Variants in DPH6 observed in about 807,000 individuals in gnomAD.
The protein encoded by DPH6 is diphthine--ammonia ligase.
Under a neutral mutation model 38.2 loss-of-function variants are expected in DPH6, and 33 were observed. That is an observed-to-expected ratio of 0.86 (90% CI 0.65 to 1.15). The LOEUF is 1.15. Ranked by LOEUF, DPH6 falls within the 50% of genes most tolerant of loss-of-function variation. DPH6 has a pLI of 0.00. For synonymous variants in DPH6, 108 were observed against 103.0 expected (o/e 1.05, Z -0.30); for missense variants, 325 against 320.0 (o/e 1.02, Z -0.12).
At chr15:35,484,138 G>A (rs1230236131) in intron 3 of DPH6, among the ~76,000 whole-genome samples, 2 of 152,166 alleles carry the variant, frequency 1.3e-5, no homozygotes, top group Non-Finnish European at 2.9e-5. Flanking sequence ...GTGAATTTTA[G>A]AGCATGCTTC....
intron 3 of DPH6, among the ~76,000 whole-genome samples, chr15:35,288,057 T>G (rs1331040847): frequency 6.6e-6 from 1 of 152,174 alleles, no homozygotes. Context: ...CCCTTGCCTG[T>G]CTGAATTCTA....
chr15:35,394,748 G>C (rs1391276443), intron 6 of DPH6, among the ~76,000 whole-genome samples: 1 of 152,170 alleles, frequency 6.6e-6, no homozygotes, highest in Non-Finnish European at 1.5e-5. Flanking sequence ...CAACCTCATA[G>C]TATAACTGCT....
chr15:35,484,719 C>T (rs574674702), intron 3 of DPH6, among the ~76,000 whole-genome samples: 11 of 152,232 alleles, frequency 7.2e-5, no homozygotes, highest in African/African-American at 2.4e-4. Context: ...CTGTAAGTCT[C>T]GGGTCTAGCC....
the DPH6 span, among the ~76,000 whole-genome samples, chr15:35,155,509 G>T: frequency 1.3e-5 from 2 of 152,200 alleles, no homozygotes; most frequent in Non-Finnish European, 2.9e-5. Context: ...TTTGTCCACT[G>T]CTCTTTCTAC....
At chr15:35,208,204 G>C in the DPH6 span, among the ~76,000 whole-genome samples, 14 of 152,114 alleles carry the variant, frequency 9.2e-5, no homozygotes, top group Admixed American at 2.6e-4. Flanking sequence ...GAAGTCCCTG[G>C]AGGTGGTGGC....
At chr15:35,286,585 GGTTA>G (rs1175745586) in intron 3 of DPH6, among the ~76,000 whole-genome samples, 4 of 152,130 alleles carry the variant, frequency 2.6e-5, no homozygotes, top group Non-Finnish European at 5.9e-5. Context: ...AGCATTGCTA[GGTTA>G]GTGGACATTA....
At position 35,283,931 on chromosome 15, in the gene DPH6, CTCTTTA is replaced by C. The variant is rs1363051915; in HGVS notation, n.201-63355_201-63350del. ...AATTACACTAGTGATTCTTCTGGGT[CTCTTTA>C]TCTTTATCTTTGCTGTAGTAATTTG... On this transcript the variant is annotated intron_variant and non_coding_transcript_variant, in intron 3 of 3. Transcript: ENST00000560386. 1.9e-4 allele frequency among the ~76,000 whole-genome samples: 29 copies of C among 152,282 alleles called. 1 individual carries two copies. Among genetic ancestry groups the C allele is most frequent in the African/African-American group, 7.0e-4 (29 of 41,556 alleles).
intron 3 of DPH6, among the ~76,000 whole-genome samples, chr15:35,287,851 C>T (rs745569203): frequency 5.9e-5 from 9 of 152,140 alleles, no homozygotes; most frequent in Non-Finnish European, 1.0e-4. Context: ...TGCAAAATGT[C>T]TTTGTGCAGT....
chr15:35,224,350 G>T (rs564947612), intron 3 of DPH6, among the ~76,000 whole-genome samples: 21 of 152,038 alleles, frequency 1.4e-4, no homozygotes, highest in African/African-American at 4.1e-4. Context: ...CAAGTGATCC[G>T]CCTGCCACGG....
chr15:35,502,105 C>G (rs1478741846), intron 3 of DPH6, among the ~76,000 whole-genome samples: 1 of 152,034 alleles, frequency 6.6e-6, no homozygotes, highest in Non-Finnish European at 1.5e-5. Flanking sequence ...TCTGTTTATA[C>G]AAGTTGATCC....
intron 5 of DPH6, among the ~76,000 whole-genome samples, chr15:35,437,312 T>C (rs1356479972): frequency 6.6e-6 from 1 of 152,024 alleles, no homozygotes; most frequent in African/African-American, 2.4e-5. Flanking sequence ...ATGTCTTCTT[T>C]TTCCTTTTTC....
intron 3 of DPH6, among the ~76,000 whole-genome samples, chr15:35,260,014 A>G (rs2051735584): frequency 6.6e-6 from 1 of 152,208 alleles, no homozygotes; most frequent in Non-Finnish European, 1.5e-5. Context: ...ATTAACCCCA[A>G]TAATCTTTGG....
chr15:35,310,085 C>G (rs1566865919), intron 3 of DPH6, among the ~76,000 whole-genome samples: 1 of 152,286 alleles, frequency 6.6e-6, no homozygotes, highest in Middle Eastern at 3.4e-3. Flanking sequence ...AACCCAGAAC[C>G]CATTCCAGAC....
At chr15:35,283,801 C>T (rs998711267) in intron 3 of DPH6, among the ~76,000 whole-genome samples, 1 of 150,744 alleles carries the variant, frequency 6.6e-6, no homozygotes, top group African/African-American at 2.4e-5. Context: ...CACACGGAGT[C>T]TTAGACAACT....
At chr15:35,465,810 G>A (rs144026018) in intron 3 of DPH6, among the ~76,000 whole-genome samples, 4 of 152,026 alleles carry the variant, frequency 2.6e-5, no homozygotes, top group Non-Finnish European at 4.4e-5. Flanking sequence ...ATTAAATAGG[G>A]GAAAAAGTTG....
At chr15:35,544,944 C>A (rs75369694) in intron 1 of DPH6, among the ~76,000 whole-genome samples, 3,251 of 152,250 alleles carry the variant, frequency 0.021, 112 homozygotes, top group African/African-American at 0.073. Context: ...AAAGCTTAAT[C>A]ATTTATGTTA....
the DPH6 span, among the ~76,000 whole-genome samples, chr15:35,162,116 G>A: frequency 2.0e-5 from 3 of 151,840 alleles, no homozygotes; most frequent in African/African-American, 7.3e-5. Context: ...TGCTACTAAT[G>A]TAGCCCAAGA....
chr15:35,309,033 C>G (rs1046234056), intron 3 of DPH6, among the ~76,000 whole-genome samples: 2 of 152,166 alleles, frequency 1.3e-5, no homozygotes, highest in African/African-American at 4.8e-5. Flanking sequence ...AAGTCATATG[C>G]ACAAGCTCAG....
At position 35,254,805 on chromosome 15, in the gene DPH6, G is replaced by A. The variant is rs184743636; in HGVS notation, n.201-34223C>T. Among the ~76,000 whole-genome samples the A allele has an allele frequency of 2.7e-3, 417 of 152,282 alleles. 2 individuals are homozygous for A. Among genetic ancestry groups the A allele is most frequent in the Non-Finnish European group, 4.4e-3 (296 of 68,042 alleles). ...AGATAGGGGTGGGGCCGTTTTATAG[G>A]ATTTGGGAAGGTAATGGAAAATTAC... is the stretch of plus-strand genomic sequence containing the variant. On this transcript the variant is annotated intron_variant and non_coding_transcript_variant, in intron 3 of 3. Transcript: ENST00000560386.
Sources: gnomAD v4.1 joint callset for allele counts (sites outside exome capture counted in the v4.1 genomes callset) on GRCh38, gnomAD v4.1.1 for gene constraint, MANE v1.5 for transcripts, NCBI Gene and HGNC (gene_info 2026-07-23, HGNC 2026-07-21) for gene names.